Variants in BIRC6 observed in about 807,000 individuals in gnomAD.
BIRC6 encodes the protein dual E2 ubiquitin-conjugating enzyme/E3 ubiquitin-protein ligase BIRC6.
In BIRC6, 98 loss-of-function variants were observed where a neutral mutation model predicts 503.3. The observed-to-expected ratio is 0.19, with a 90% confidence interval of 0.17 to 0.23. The LOEUF (loss-of-function observed/expected upper bound fraction) is 0.23. Ranked by LOEUF, BIRC6 falls within the 10% of genes least tolerant of loss-of-function variation. The probability of loss-of-function intolerance (pLI) is 1.00; values close to 1 mark genes in which losing one functional copy is unlikely to be tolerated. For missense variants in BIRC6, 5,360 were observed against 5,806.0 expected, an observed-to-expected ratio of 0.92 and a Z score of 2.50; for synonymous variants, 2,240 against 2,078.7, an observed-to-expected ratio of 1.08 and a Z score of -2.11.
chr2:32,545,785 C>A lies in BIRC6; in HGVS notation c.12735C>A (p.His4245Gln), dbSNP rs1393609172. 3.7e-6 allele frequency: 6 copies of A among 1,613,784 alleles called. No homozygotes were observed. Among genetic ancestry groups the A allele is most frequent in the Non-Finnish European group, 5.1e-6 (6 of 1,179,854 alleles). The change falls in exon 63 of 74, where the codon CAC (histidine) becomes CAA (glutamine). Residue 4245 changes from histidine (H) to glutamine (Q), a missense_variant. His to Gln is a conservative substitution (Grantham distance 24). Around this residue, in one of 16 missense-constraint regions of BIRC6, gnomAD observed 477 missense variants for 574.4 expected, o/e 0.83. Coordinates refer to ENST00000421745, the MANE Select transcript of BIRC6 (RefSeq NM_016252.4). ...RRMALEIGAL[H>Q]LILVCLSALS... ...TGGCATTGGAAATTGGAGCCTTACA[C>A]CTCATTCTTGTCTGTCTCTCTGCTT... is the stretch of plus-strand genomic sequence containing the variant.
intron 65 of BIRC6, among the ~76,000 whole-genome samples, chr2:32,550,935 T>G (rs898830760): frequency 3.9e-5 from 6 of 152,152 alleles, no homozygotes; most frequent in African/African-American, 1.4e-4. Flanking sequence ...GACCTTTCTT[T>G]TATGATGTAT....
chr2:32,550,520 A>C (rs892631987), intron 65 of BIRC6, among the ~76,000 whole-genome samples: 2 of 151,542 alleles, frequency 1.3e-5, no homozygotes, highest in African/African-American at 4.8e-5. Context: ...CAAATGCATA[A>C]TTTTTTTTTA....
At chr2:32,447,658 C>G (rs1229097600) in intron 21 of BIRC6, among the ~76,000 whole-genome samples, 14 of 107,258 alleles carry the variant, frequency 1.3e-4, no homozygotes, top group South Asian at 3.2e-4. Context: ...AGGGGGCTGA[C>G]CCCCCCTCCC....
rs189953516 is a variant in BIRC6 at position 32,519,065 on chromosome 2, T to G, written c.11623+119T>G. On this transcript the variant is annotated intron_variant, in intron 57 of 73. Coordinates refer to ENST00000421745, the MANE Select transcript of BIRC6 (RefSeq NM_016252.4). ...TTGCAACCATTGATGACTAGGAAAGTTCAAGACATCTTTATAGTTTGAAGC... is the reference window on the plus strand; with the variant it reads ...TTGCAACCATTGATGACTAGGAAAGGTCAAGACATCTTTATAGTTTGAAGC... 63 of 980,892 alleles carry G rather than the reference T, an allele frequency of 6.4e-5. 1 individual carries two copies. In the Admixed American group the frequency reaches 6.6e-4, roughly 10 times the overall value. The allele number at this position is 980,892 out of a possible 1,614,324, so 60.8% of individuals were successfully genotyped here.
chr2:32,473,138 A>T lies in BIRC6; in HGVS notation c.6619A>T (p.Asn2207Tyr). Reference protein sequence around the residue: ...NGNQWSFINNNLHTQSLNRSS... With the variant: ...NGNQWSFINNYLHTQSLNRSS... ...TAATCAGTGGAGTTTTATTAACAAT[A>T]ATCTACACACTCAGAGCTTAAATAG... The change falls in exon 33 of 74, where the codon AAT becomes TAT. Residue 2207 changes from asparagine to tyrosine, a missense_variant. Coordinates refer to ENST00000421745, the MANE Select transcript of BIRC6 (RefSeq NM_016252.4). The T allele has an allele frequency of 6.3e-7, 1 of 1,580,514 alleles. No homozygotes were observed. Among genetic ancestry groups the T allele is most frequent in the Admixed American group, 1.8e-5 (1 of 55,628 alleles).
intron 49 of BIRC6, 136 bp downstream of exon 49, chr2:32,503,372 G>A (rs2053418954): frequency 2.7e-6 from 2 of 738,956 alleles, no homozygotes; most frequent in South Asian, 1.8e-5. Context: ...TTTAGAGGTA[G>A]TGGATATCTC....
At chr2:32,569,439 G>C (rs561224816) in intron 65 of BIRC6, among the ~76,000 whole-genome samples, 1 of 152,276 alleles carries the variant, frequency 6.6e-6, no homozygotes, top group South Asian at 2.1e-4. Flanking sequence ...TGCTATCAGA[G>C]CTCACTGTAG....
At chr2:32,554,039 C>G (rs1197685158) in intron 65 of BIRC6, among the ~76,000 whole-genome samples, 1 of 152,094 alleles carries the variant, frequency 6.6e-6, no homozygotes, top group East Asian at 1.9e-4. Context: ...CCCCTCTGGC[C>G]ACTAGATGGA....
At chr2:32,420,523 AT>A (rs556847060) in intron 10 of BIRC6, among the ~76,000 whole-genome samples, 2 of 151,292 alleles carry the variant, frequency 1.3e-5, no homozygotes, top group East Asian at 3.9e-4. Context: ...TTTACTTTTT[AT>A]TTTTTTTGAG....
At chr2:32,359,615 A>C (rs955126353) in intron 1 of BIRC6, among the ~76,000 whole-genome samples, 1 of 152,256 alleles carries the variant, frequency 6.6e-6, no homozygotes, top group African/African-American at 2.4e-5. Context: ...GTGAATTAAA[A>C]TATGTAGAAG....
At position 32,597,922 on chromosome 2, in the gene BIRC6, C is replaced by G. The variant is rs1361534341; in HGVS notation, c.13784C>G (p.Ser4595Cys). Residue 4595 changes from serine (S) to cysteine (C), a missense_variant, in exon 69 of 74, where the codon TCT (serine) becomes TGT (cysteine). This residue lies in a region of BIRC6 where 477 missense variants were observed against 574.4 expected (regional missense o/e 0.83). Coordinates refer to ENST00000421745, the MANE Select transcript of BIRC6 (RefSeq NM_016252.4). ...ACCTCACTGCCTCTGTCTTCATCCTCTAGTGTGTTTGTACGCTGTGATGAG... is the reference window on the plus strand; with the variant it reads ...ACCTCACTGCCTCTGTCTTCATCCTGTAGTGTGTTTGTACGCTGTGATGAG... ...LSTSLPLSSS[S>C]SVFVRCDEER... 3 of 1,613,642 alleles carry G rather than the reference C, an allele frequency of 1.9e-6. No homozygotes were observed. The highest frequency in any genetic ancestry group is 1.7e-6 in the Non-Finnish European group (2 of 1,179,876).
chr2:32,485,705 T>C lies in BIRC6; in HGVS notation c.7759T>C (p.Ser2587Pro). The C allele has an allele frequency of 6.2e-7, 1 of 1,613,822 alleles. No homozygotes were observed. Among genetic ancestry groups the C allele is most frequent in the Non-Finnish European group, 8.5e-7 (1 of 1,179,730 alleles). Reference protein sequence around the residue: ...QQAELMLKMMSTLEADSILQA... With the variant: ...QQAELMLKMMPTLEADSILQA... ...AGCAGAACTGATGTTGAAAATGATG[T>C]CTACTCTGGAGGCAGATTCCATTTT... The change falls in exon 40 of 74, where the codon TCT becomes CCT. Residue 2587 changes from serine (S) to proline (P), a missense_variant. Ser to Pro is a moderately conservative substitution (Grantham distance 74). Coordinates refer to ENST00000421745, the MANE Select transcript of BIRC6 (RefSeq NM_016252.4).
At chr2:32,499,026 C>A (rs1232004979) in intron 45 of BIRC6, among the ~76,000 whole-genome samples, 1 of 152,270 alleles carries the variant, frequency 6.6e-6, no homozygotes, top group African/African-American at 2.4e-5. Flanking sequence ...CCTAATTTGC[C>A]TTTTTCTTGC....
At chr2:32,374,748 A>T (rs2036497147) in intron 1 of BIRC6, among the ~76,000 whole-genome samples, 1 of 152,154 alleles carries the variant, frequency 6.6e-6, no homozygotes, top group African/African-American at 2.4e-5. Context: ...CTGGGATTAC[A>T]GGCGTGAGCC....
At chr2:32,383,676 C>T (rs1252596541) in intron 3 of BIRC6, among the ~76,000 whole-genome samples, 1 of 152,100 alleles carries the variant, frequency 6.6e-6, no homozygotes, top group Non-Finnish European at 1.5e-5. Flanking sequence ...GGACTATAGG[C>T]ACGGGCCACC....
chr2:32,434,539 A>C (rs2044475595), intron 13 of BIRC6, among the ~76,000 whole-genome samples: 1 of 152,210 alleles, frequency 6.6e-6, no homozygotes. Context: ...CGACAGTAAG[A>C]AAATATACAA....
rs191734239 is a variant in BIRC6 at position 32,443,499 on chromosome 2, A to C, written c.4247A>C (p.Lys1416Thr). The C allele has an allele frequency of 3.1e-6, 5 of 1,602,648 alleles. No homozygotes were observed. In the Admixed American group the frequency reaches 5.2e-5, roughly 17 times the overall value. The change falls in exon 20 of 74, where the codon AAA (lysine) becomes ACA (threonine). Residue 1416 changes from lysine to threonine, a missense_variant. This residue lies in a region of BIRC6 where 2,299 missense variants were observed against 2,267.2 expected (regional missense o/e 1.01). Coordinates refer to ENST00000421745, the MANE Select transcript of BIRC6 (RefSeq NM_016252.4). Reference sequence around the variant, plus strand: ...TTTTAAAAATTTTTCAGTAATGGCAAATGTGACCCATGTCAACCAGCATTT... The same window carrying C: ...TTTTAAAAATTTTTCAGTAATGGCACATGTGACCCATGTCAACCAGCATTT... ...RFLALCISNGKCDPCQPAFGP... is the reference protein window; with the variant it reads ...RFLALCISNGTCDPCQPAFGP...
At chr2:32,578,175 A>G (rs1573141800) in intron 66 of BIRC6, among the ~76,000 whole-genome samples, 1 of 152,198 alleles carries the variant, frequency 6.6e-6, no homozygotes, top group South Asian at 2.1e-4. Flanking sequence ...TACCATATAG[A>G]GAATTCATTT....
At chr2:32,391,781 A>G (rs1017924616) in intron 4 of BIRC6, among the ~76,000 whole-genome samples, 2 of 152,228 alleles carry the variant, frequency 1.3e-5, no homozygotes, top group Admixed American at 1.3e-4. Context: ...ATATATTTTA[A>G]TATGAAAACA....
Sources: gnomAD v4.1 joint callset for allele counts (sites outside exome capture counted in the v4.1 genomes callset) on GRCh38, gnomAD v4.1.1 for gene constraint, gnomAD v4.1.1 regional missense constraint, MANE v1.5 for transcripts, NCBI Gene and HGNC (gene_info 2026-07-23, HGNC 2026-07-21) for gene names.